SSUH2: variants seen among roughly 807,000 people sequenced by gnomAD.
SSUH2 encodes protein SSUH2 homolog.
SSUH2 carries 47 observed loss-of-function variants against 55.3 expected under a neutral mutation model. The observed-to-expected ratio is 0.85, with a 90% CI of 0.67 to 1.08. The LOEUF (loss-of-function observed/expected upper bound fraction) is 1.08, where lower values mean the gene tolerates loss of function less well. Among genes scored for constraint, SSUH2 ranks in the 50% least tolerant of loss-of-function variants. SSUH2 has a pLI of 0.00. For missense variants in SSUH2, 535 were observed against 490.7 expected (o/e 1.09, Z -0.85); for synonymous variants, 212 against 191.5 (o/e 1.11, Z -0.89).
At position 8,626,333 on chromosome 3, in the gene SSUH2, ACAGAGTCCGTACCCC is replaced by A. The variant is rs760218165; in HGVS notation, c.675-27_675-13del. On this transcript the variant is annotated splice_polypyrimidine_tract_variant and intron_variant, in intron 8 of 11. Coordinates refer to ENST00000544814, the MANE Select transcript of SSUH2 (RefSeq NM_001256748.3). The stretch of plus-strand genomic sequence containing the variant: ...AGCAAGTGCTGCATCTGAGAAAGGC[ACAGAGTCCGTACCCC>A]CAGATCAGTTGCAGGTCCTGGTGGC... 3.1e-5 allele frequency: 50 copies of A among 1,611,434 alleles called. 1 individual carries two copies. The highest frequency in any genetic ancestry group is 4.1e-5 in the Non-Finnish European group (48 of 1,177,704).
At position 8,681,500 on chromosome 3, in the gene SSUH2, C is replaced by T. The variant is rs1449462162; in HGVS notation, c.-1046+391G>A. Among the ~76,000 whole-genome samples the T allele has an allele frequency of 4.9e-5, 7 of 143,584 alleles. 1 individual carries two copies. The highest frequency in any genetic ancestry group is 3.4e-4 in the Admixed American group (5 of 14,694). 94.2% of individuals were successfully genotyped at this position (143,584 alleles called of 152,430 possible). On this transcript the variant is annotated intron_variant, in intron 1 of 18. Transcript: ENST00000317371. ...TAGGGGGGAGGCAGCCCCCACGAGGCGGGGACTGAGAGCCAGTCCGTCTTC... is the reference window on the plus strand; with the variant it reads ...TAGGGGGGAGGCAGCCCCCACGAGGTGGGGACTGAGAGCCAGTCCGTCTTC...
upstream of SSUH2, among the ~76,000 whole-genome samples, chr3:8,646,071 C>T (rs1701644875): frequency 6.6e-6 from 1 of 152,122 alleles, no homozygotes; most frequent in Non-Finnish European, 1.5e-5. Context: ...TCTTTTGATG[C>T]CTTTATACAT....
At chr3:8,625,909 T>C (rs967291990) in intron 9 of SSUH2, among the ~76,000 whole-genome samples, 1 of 152,218 alleles carries the variant, frequency 6.6e-6, no homozygotes, top group African/African-American at 2.4e-5. Flanking sequence ...AAACCTTTAA[T>C]GCACGGAAGC....
chr3:8,644,227 G>A (rs999838525), intron 1 of SSUH2, among the ~76,000 whole-genome samples: 3 of 152,180 alleles, frequency 2.0e-5, no homozygotes, highest in African/African-American at 4.8e-5. Context: ...GATCACGAGT[G>A]AAGCCTTTTC....
At chr3:8,635,711 G>A (rs947685067) in intron 2 of SSUH2, 48 bp downstream of exon 2, 46 of 1,470,920 alleles carry the variant, frequency 3.1e-5, no homozygotes, top group Admixed American at 1.1e-4. Flanking sequence ...ACCAACCAGC[G>A]TGAGCCCTAG....
At chr3:8,627,379 A>T (rs1180878863) in intron 8 of SSUH2, 1 of 274,926 alleles carries the variant, frequency 3.6e-6, no homozygotes, top group African/African-American at 2.2e-5. Context: ...GTGGTTTTTG[A>T]TATTCACTTC....
At chr3:8,635,425 G>T in intron 2 of SSUH2, 44 bp from the exon 3 acceptor site, 1 of 1,377,936 alleles carries the variant, frequency 7.3e-7, no homozygotes, top group South Asian at 1.3e-5. Flanking sequence ...CAGGCCAAAG[G>T]AACAAATATT....
Position 8,681,134 on chromosome 3 carries a change from C to G in SSUH2, c.-1046+757G>C, listed in dbSNP as rs1705911605. On this transcript the variant is annotated intron_variant, in intron 1 of 18. Coordinates refer to the SSUH2 transcript ENST00000317371. ...GGTTCTGAGAGCCAGCCCCTCTTCC[C>G]CCCCTGCCTCTTAGGACTTCCATAG... Among the ~76,000 whole-genome samples the G allele has an allele frequency of 5.6e-5, 6 of 106,382 alleles. 1 individual carries two copies. The Admixed American group carries it at 6.9e-4, about 12-fold the overall frequency. The allele number at this position is 106,382 out of a possible 152,430, so 69.8% of individuals were successfully genotyped here.
chr3:8,666,397 C>G (rs1357479353), intron 5 of SSUH2, among the ~76,000 whole-genome samples: 1 of 152,160 alleles, frequency 6.6e-6, no homozygotes, highest in African/African-American at 2.4e-5. Context: ...CACCAAGTAT[C>G]TTAGGCTGGG....
At chr3:8,654,316 G>C (rs1702721706) in intron 7 of SSUH2, among the ~76,000 whole-genome samples, 1 of 152,222 alleles carries the variant, frequency 6.6e-6, no homozygotes, top group South Asian at 2.1e-4. Flanking sequence ...TTAGGGGGTA[G>C]GGCTTCAACA....
At chr3:8,645,799 T>C (rs1157190500), upstream of SSUH2, among the ~76,000 whole-genome samples, 1 of 152,190 alleles carries the variant, frequency 6.6e-6, no homozygotes, top group Admixed American at 6.5e-5. Context: ...TGCACAGAGA[T>C]GGCTCCCAGC....
At chr3:8,627,527 G>T (rs996429404) in intron 8 of SSUH2, 171 bp downstream of exon 8, 18 of 444,786 alleles carry the variant, frequency 4.0e-5, no homozygotes, top group African/African-American at 3.0e-4. Context: ...GCCAGGCCTT[G>T]AGAAAAGCTC....
At chr3:8,637,137 G>A (rs1314180097) in intron 1 of SSUH2, among the ~76,000 whole-genome samples, 5 of 152,164 alleles carry the variant, frequency 3.3e-5, no homozygotes, top group African/African-American at 4.8e-5. Flanking sequence ...GTGACGCCAG[G>A]CAGCGGCAGT....
At chr3:8,645,289 G>T (rs1012813778), upstream of SSUH2, among the ~76,000 whole-genome samples, 1 of 152,180 alleles carries the variant, frequency 6.6e-6, no homozygotes, top group Non-Finnish European at 1.5e-5. Flanking sequence ...TCATCTCCCT[G>T]GGGAAGAAAC....
chr3:8,663,883 C>T (rs1307292410), intron 5 of SSUH2: 2 of 455,622 alleles, frequency 4.4e-6, no homozygotes, highest in African/African-American at 2.0e-5. Context: ...TTTCTTCTAG[C>T]TGCACTGCAC....
chr3:8,649,062 C>A (rs372225965), upstream of SSUH2, among the ~76,000 whole-genome samples: 2 of 152,174 alleles, frequency 1.3e-5, no homozygotes, highest in African/African-American at 4.8e-5. Flanking sequence ...CCCCTACCCT[C>A]CAACAATGGG....
chr3:8,633,594 G>T (rs908893182), intron 4 of SSUH2, 72 bp downstream of exon 4: 3 of 1,281,238 alleles, frequency 2.3e-6, no homozygotes, highest in East Asian at 5.1e-5. Flanking sequence ...ACACAAACAG[G>T]CCTCCACTGT....
intron 2 of SSUH2, among the ~76,000 whole-genome samples, chr3:8,678,807 G>C (rs1178401828): frequency 9.0e-6 from 1 of 110,802 alleles, no homozygotes. Flanking sequence ...CCATCGCAGG[G>C]AGAGGAGGCG....
In SSUH2 at chr3:8,633,982, C is replaced by T. The variant is rs78797672; in HGVS notation, c.210-187G>A. On this transcript the variant is annotated intron_variant, in intron 3 of 11. Coordinates refer to ENST00000544814, the MANE Select transcript of SSUH2 (RefSeq NM_001256748.3). ...TGTGAACGGGTGCCCAGCGTGAGAACGGGGCAGGTTTTCCTAGAGAACAGC... is the reference window on the plus strand; with the variant it reads ...TGTGAACGGGTGCCCAGCGTGAGAATGGGGCAGGTTTTCCTAGAGAACAGC... 3.4e-3 allele frequency: 5,459 copies of T among 1,604,196 alleles called. 156 individuals carry two copies. In the African/African-American group the frequency reaches 0.059, roughly 17 times the overall value.
Sources: gnomAD v4.1 joint callset for allele counts (sites outside exome capture counted in the v4.1 genomes callset) on GRCh38, gnomAD v4.1.1 for gene constraint, MANE v1.5 for transcripts, NCBI Gene and HGNC (gene_info 2026-07-23, HGNC 2026-07-21) for gene names.